MALRD1: variants seen among roughly 807,000 people sequenced by gnomAD.
The protein encoded by MALRD1 is MAM and LDL receptor class A domain containing 1, also known as MAM and LDL-receptor class A domain-containing protein 1.
A neutral mutation model predicts 242.1 loss-of-function variants in MALRD1; 247 were observed. That is an observed-to-expected ratio of 1.02 (90% CI 0.92 to 1.13). MALRD1 has a LOEUF of 1.13. MALRD1 is among the 50% of genes most tolerant of loss of function. The pLI is 0.00. For synonymous variants in MALRD1, 995 were observed against 866.6 expected, an observed-to-expected ratio of 1.15 and a Z score of -2.60; for missense variants, 2,989 against 2,533.1, an observed-to-expected ratio of 1.18 and a Z score of -3.86.
At chr10:19,480,742 C>T (rs1369959002) in intron 29 of MALRD1, among the ~76,000 whole-genome samples, 4 of 152,074 alleles carry the variant, frequency 2.6e-5, no homozygotes, top group African/African-American at 7.2e-5. Flanking sequence ...TGGTCCTTGT[C>T]GGGTGTACCA....
chr10:19,449,866 A>G (rs1283416679), intron 28 of MALRD1, among the ~76,000 whole-genome samples: 1 of 152,152 alleles, frequency 6.6e-6, no homozygotes, highest in Non-Finnish European at 1.5e-5. Flanking sequence ...GGGGAAGAAA[A>G]AAGAAATGTT....
chr10:19,497,048 A>G (rs1242877685), intron 30 of MALRD1, among the ~76,000 whole-genome samples: 1 of 152,188 alleles, frequency 6.6e-6, no homozygotes, highest in East Asian at 1.9e-4. Context: ...TATTAAGCAA[A>G]GCGGGACAGG....
Position 19,562,208 on chromosome 10 carries a change from T to C in MALRD1, c.5479-5294T>C, listed in dbSNP as rs530892250. Among the ~76,000 whole-genome samples, 453 of 152,106 alleles carry C rather than the reference T, an allele frequency of 3.0e-3. 4 individuals carry two copies. Among genetic ancestry groups the C allele is most frequent in the African/African-American group, 9.3e-3 (384 of 41,510 alleles). ...CTACTCAGGAGGCTGAGGCAGAGAATTGCTTGAACCCAGAAGGCGGAGTTT... is the reference window on the plus strand; with the variant it reads ...CTACTCAGGAGGCTGAGGCAGAGAACTGCTTGAACCCAGAAGGCGGAGTTT... On this transcript the variant is annotated intron_variant, in intron 32 of 39. Transcript: ENST00000454679.
chr10:19,456,574 C>G (rs575654785), intron 29 of MALRD1, among the ~76,000 whole-genome samples: 31 of 152,248 alleles, frequency 2.0e-4, no homozygotes, highest in Middle Eastern at 3.4e-3. Flanking sequence ...TCAGAACTTA[C>G]CTTCTTCACT....
chr10:19,487,157 T>C lies in MALRD1; in HGVS notation c.5030-4360T>C, dbSNP rs76161746. The stretch of plus-strand genomic sequence containing the variant: ...GAGCACCAATGTTCCATCCATTCTT[T>C]TATCATCAAATATAGAATATGTGAG... On this transcript the variant is annotated intron_variant, in intron 29 of 39. Coordinates refer to ENST00000454679, the MANE Select transcript of MALRD1 (RefSeq NM_001142308.3). Among the ~76,000 whole-genome samples, 900 of 152,262 alleles carry C rather than the reference T, an allele frequency of 5.9e-3. 13 individuals carry two copies. The highest frequency in any genetic ancestry group is 0.024 in the Admixed American group (362 of 15,294).
At chr10:19,050,862 G>T (rs551458398) in intron 1 of MALRD1, among the ~76,000 whole-genome samples, 3 of 152,176 alleles carry the variant, frequency 2.0e-5, no homozygotes, top group Non-Finnish European at 4.4e-5. Context: ...GTGATAACGT[G>T]CATGGTCCTG....
At chr10:19,450,117 G>C (rs3904885) in intron 28 of MALRD1, among the ~76,000 whole-genome samples, 190 bp from the exon 29 acceptor site, 45,133 of 151,950 alleles carry the variant, frequency 0.3, 6,784 homozygotes, top group Admixed American at 0.39. Flanking sequence ...GACCTCTTGA[G>C]TCTTTTTGAG....
At chr10:19,377,757 A>G (rs1845672293) in intron 26 of MALRD1, among the ~76,000 whole-genome samples, 1 of 152,120 alleles carries the variant, frequency 6.6e-6, no homozygotes, top group Non-Finnish European at 1.5e-5. Context: ...GATTTCAGGA[A>G]TTAATAGATT....
intron 1 of MALRD1, among the ~76,000 whole-genome samples, chr10:19,061,674 A>G (rs1834825756): frequency 6.6e-6 from 1 of 152,162 alleles, no homozygotes; most frequent in African/African-American, 2.4e-5. Context: ...AAGGGACCCA[A>G]GACCAATGGG....
At chr10:19,493,645 TAAAAA>T in intron 30 of MALRD1, among the ~76,000 whole-genome samples, 1 of 122,054 alleles carries the variant, frequency 8.2e-6, no homozygotes, top group African/African-American at 2.9e-5. Flanking sequence ...CCGTCTCTAC[TAAAAA>T]AAAAAAAAAA....
chr10:19,412,464 G>A (rs1833314733), intron 28 of MALRD1, among the ~76,000 whole-genome samples: 1 of 152,150 alleles, frequency 6.6e-6, no homozygotes, highest in Non-Finnish European at 1.5e-5. Flanking sequence ...TTGTATGGGG[G>A]CTGAAACGTC....
intron 11 of MALRD1, 142 bp downstream of exon 11, chr10:19,146,486 TTAA>T (rs1833731099): frequency 1.3e-5 from 9 of 668,118 alleles, no homozygotes. Flanking sequence ...CCTGACCAAG[TTAA>T]TAATTGGCGG....
intron 11 of MALRD1, among the ~76,000 whole-genome samples, chr10:19,149,009 G>T (rs1833832813): frequency 6.6e-6 from 1 of 152,008 alleles, no homozygotes; most frequent in African/African-American, 2.4e-5. Flanking sequence ...AGAAAGTGGA[G>T]TTCTAGTTCA....
At chr10:19,183,942 A>G (rs1156955879) in intron 14 of MALRD1, among the ~76,000 whole-genome samples, 5 of 152,186 alleles carry the variant, frequency 3.3e-5, no homozygotes, top group African/African-American at 9.7e-5. Flanking sequence ...AACACCACAC[A>G]CTGATGATGA....
intron 18 of MALRD1, among the ~76,000 whole-genome samples, chr10:19,211,464 G>A (rs537547016): frequency 7.2e-5 from 11 of 151,924 alleles, no homozygotes; most frequent in East Asian, 3.9e-4. Context: ...AGGCCGAGGC[G>A]GGAGGATTAC....
At chr10:19,405,621 T>C (rs1442774234) in intron 28 of MALRD1, among the ~76,000 whole-genome samples, 1 of 152,142 alleles carries the variant, frequency 6.6e-6, no homozygotes, top group Non-Finnish European at 1.5e-5. Context: ...CACAGAAGTG[T>C]TGATCCTAAT....
intron 22 of MALRD1, among the ~76,000 whole-genome samples, chr10:19,324,938 AT>A (rs1269844855): frequency 4.2e-5 from 6 of 144,294 alleles, no homozygotes; most frequent in African/African-American, 1.5e-4. Flanking sequence ...GCCAAGAGAT[AT>A]TTTAAGGATG....
chr10:19,467,411 A>AAAAAC (rs1184948482), intron 29 of MALRD1, among the ~76,000 whole-genome samples: 1 of 150,416 alleles, frequency 6.6e-6, no homozygotes, highest in African/African-American at 2.4e-5. Flanking sequence ...AAAAAAAAAA[A>AAAAAC]AGAAAAAGAC....
chr10:19,484,396 A>G (rs1224623030), intron 29 of MALRD1, among the ~76,000 whole-genome samples: 4 of 152,248 alleles, frequency 2.6e-5, no homozygotes, highest in Non-Finnish European at 5.9e-5. Flanking sequence ...CATGAAAAAG[A>G]GAGTGCATGT....
Sources: gnomAD v4.1 joint callset for allele counts (sites outside exome capture counted in the v4.1 genomes callset) on GRCh38, gnomAD v4.1.1 for gene constraint, MANE v1.5 for transcripts, NCBI Gene and HGNC (gene_info 2026-07-23, HGNC 2026-07-21) for gene names.